FANCC: variants seen among roughly 807,000 people sequenced by gnomAD.
FANCC encodes the protein FA complementation group C.
In FANCC, 55 loss-of-function variants were observed where a neutral mutation model predicts 71.3. That is an observed-to-expected ratio of 0.77 (90% CI 0.62 to 0.97). The LOEUF (loss-of-function observed/expected upper bound fraction) is 0.97. Among genes scored for constraint, FANCC ranks in the 50% least tolerant of loss-of-function variants. The pLI is 0.00. For missense variants in FANCC, 678 were observed against 670.9 expected (o/e 1.01, Z -0.12); for synonymous variants, 275 against 244.9 (o/e 1.12, Z -1.15).
intron 1 of FANCC, chr9:95,292,522 T>C: frequency 1.3e-6 from 2 of 1,494,480 alleles, no homozygotes; most frequent in Non-Finnish European, 1.8e-6. Flanking sequence ...GCGGCCTCCG[T>C]GCTGGCGGGG....
intron 4 of FANCC, among the ~76,000 whole-genome samples, chr9:95,223,538 G>A (rs748178868): frequency 6.6e-6 from 1 of 152,098 alleles, no homozygotes; most frequent in East Asian, 1.9e-4. Flanking sequence ...GGTATTGGGG[G>A]TTAGTACTTC....
intron 4 of FANCC, among the ~76,000 whole-genome samples, chr9:95,236,141 C>T (rs77946722): frequency 2.6e-5 from 4 of 151,958 alleles, no homozygotes; most frequent in African/African-American, 7.3e-5. Context: ...GTTCCTGGTA[C>T]CCTGTTGTGT....
In FANCC at chr9:95,108,795, G is replaced by A. The variant is rs183355084; in HGVS notation, c.1330-1526C>T. On this transcript the variant is annotated intron_variant, in intron 13 of 14. Transcript: ENST00000289081. ...TATATACTTCTTGTCTTTTTTCTAC[G>A]CACTGAGACCATACCACTCACTACA... is the stretch of plus-strand genomic sequence containing the variant. Among the ~76,000 whole-genome samples the A allele has an allele frequency of 7.2e-5, 11 of 152,046 alleles. No homozygotes were observed. In the East Asian group the frequency reaches 1.7e-3, roughly 24 times the overall value.
At chr9:95,288,268 T>C (rs1833802906) in intron 1 of FANCC, among the ~76,000 whole-genome samples, 1 of 152,216 alleles carries the variant, frequency 6.6e-6, no homozygotes, top group African/African-American at 2.4e-5. Context: ...ATCATGTTTG[T>C]TCTATATAAC....
chr9:95,202,221 G>A (rs894769717), intron 4 of FANCC, among the ~76,000 whole-genome samples: 20 of 152,380 alleles, frequency 1.3e-4, no homozygotes, highest in East Asian at 7.7e-4. Flanking sequence ...CAGGGGTGCT[G>A]CTGGCTGGGA....
intron 4 of FANCC, among the ~76,000 whole-genome samples, chr9:95,192,681 G>C (rs1045099399): frequency 5.3e-5 from 8 of 152,146 alleles, no homozygotes; most frequent in African/African-American, 1.9e-4. Context: ...AACAGAAAAA[G>C]ATTACAGAAA....
intron 4 of FANCC, 104 bp from the exon 5 acceptor site, chr9:95,172,251 A>C: frequency 2.9e-6 from 2 of 680,688 alleles, no homozygotes; most frequent in Non-Finnish European, 5.1e-6. Context: ...GGTCTCTATG[A>C]AACAAAAAAA....
At chr9:95,185,143 G>T (rs1826633504) in intron 4 of FANCC, among the ~76,000 whole-genome samples, 1 of 152,192 alleles carries the variant, frequency 6.6e-6, no homozygotes, top group South Asian at 2.1e-4. Context: ...GCTTGAAAAG[G>T]TATTTGGAAT....
At chr9:95,143,364 T>C (rs1029392263) in intron 7 of FANCC, among the ~76,000 whole-genome samples, 2 of 152,132 alleles carry the variant, frequency 1.3e-5, no homozygotes, top group African/African-American at 2.4e-5. Flanking sequence ...CGCTGGCCAG[T>C]AGTGATCAGG....
chr9:95,118,701 CAT>C (rs2134728291), intron 10 of FANCC, among the ~76,000 whole-genome samples: 1 of 152,320 alleles, frequency 6.6e-6, no homozygotes, highest in African/African-American at 2.4e-5. Flanking sequence ...TTGGGCTCAA[CAT>C]ATTTTCTTAA....
In FANCC at chr9:95,149,949, A is replaced by C; in HGVS notation, c.660T>G (p.Phe220Leu). Reference protein sequence around the residue: ...EPQEILQPEFFEAVNEAILLK... With the variant: ...EPQEILQPEFLEAVNEAILLK... ...GCAAAATGGCCTCGTTTACAGCCTC[A>C]AAGAACTCTGGCTGGAGGATTTCCT... is the stretch of plus-strand genomic sequence containing the variant. Residue 220 changes from phenylalanine (F) to leucine (L), a missense_variant, in exon 7 of 15, where the codon TTT (phenylalanine) becomes TTG (leucine). Transcript: ENST00000289081. 6.2e-7 allele frequency: 1 copy of C among 1,610,056 alleles called. No homozygotes were observed. The highest frequency in any genetic ancestry group is 8.5e-7 in the Non-Finnish European group (1 of 1,178,254).
intron 4 of FANCC, among the ~76,000 whole-genome samples, chr9:95,182,042 G>A (rs1196028311): frequency 1.3e-5 from 2 of 152,140 alleles, no homozygotes. Context: ...GTGGAGGAAG[G>A]GTTGTGGGTT....
intron 13 of FANCC, chr9:95,110,360 G>A: frequency 4.9e-6 from 5 of 1,021,074 alleles, no homozygotes; most frequent in Non-Finnish European, 5.9e-6. Context: ...GAATATAAAA[G>A]GGCTTTAAAA....
At chr9:95,300,777 G>A (rs1425386881) in intron 1 of FANCC, among the ~76,000 whole-genome samples, 2 of 152,112 alleles carry the variant, frequency 1.3e-5, no homozygotes, top group Non-Finnish European at 2.9e-5. Flanking sequence ...CTGACTTGGG[G>A]TGCTCCCACG....
In FANCC at chr9:95,150,033, G is replaced by A. The variant is rs759392396; in HGVS notation, c.576C>T (p.Thr192=). ...CCACCAGGGGGTCAACATCTGTCAGGGTAATAAGTGGGACACAAACTCGTG... is the reference window on the plus strand; with the variant it reads ...CCACCAGGGGGTCAACATCTGTCAGAGTAATAAGTGGGACACAAACTCGTG... ...SLSRVCVPLI[T]LTDVDPLVEA... The change falls in exon 7 of 15, where the codon ACC becomes ACT. Residue 192 remains threonine (T), a synonymous_variant. Coordinates refer to ENST00000289081, the MANE Select transcript of FANCC (RefSeq NM_000136.3). The A allele has an allele frequency of 6.2e-6, 10 of 1,613,998 alleles. No individual in the cohort carries two copies. Among genetic ancestry groups the A allele is most frequent in the Non-Finnish European group, 8.5e-6 (10 of 1,180,010 alleles).
At chr9:95,304,539 G>A (rs1340928564) in intron 1 of FANCC, among the ~76,000 whole-genome samples, 1 of 151,150 alleles carries the variant, frequency 6.6e-6, no homozygotes, top group Admixed American at 6.6e-5. Flanking sequence ...GAGCCCAGGA[G>A]TTCAAGACCA....
chr9:95,212,047 C>G (rs186556622), intron 4 of FANCC, among the ~76,000 whole-genome samples: 63 of 151,764 alleles, frequency 4.2e-4, no homozygotes, highest in Admixed American at 3.7e-3. Flanking sequence ...AAAGACATAG[C>G]AATAAAACTA....
At chr9:95,106,333 A>G (rs975022511) in intron 14 of FANCC, among the ~76,000 whole-genome samples, 2 of 152,178 alleles carry the variant, frequency 1.3e-5, no homozygotes, top group Non-Finnish European at 2.9e-5. Context: ...TTGTTGAGTT[A>G]TAAGAATTCC....
intron 4 of FANCC, among the ~76,000 whole-genome samples, chr9:95,194,608 A>C (rs1410152277): frequency 6.6e-6 from 1 of 152,122 alleles, no homozygotes; most frequent in Non-Finnish European, 1.5e-5. Flanking sequence ...AATGATGTGA[A>C]ATATCTTGTC....
Sources: allele counts gnomAD v4.1 joint callset (sites outside exome capture counted in the v4.1 genomes callset), GRCh38; gene constraint gnomAD v4.1.1; transcripts MANE v1.5; gene names NCBI Gene and HGNC (gene_info 2026-07-23, HGNC 2026-07-21).